The following DLGAP2 variants were observed in gnomAD, a reference collection of about 807,000 sequenced individuals.
DLGAP2 encodes DLG associated protein 2, also known as disks large-associated protein 2.
DLGAP2 carries 26 observed loss-of-function variants against 100.3 expected under a neutral mutation model. The ratio of observed to expected loss-of-function variants is 0.26; its 90% CI spans 0.19 to 0.36. DLGAP2 has a LOEUF of 0.36. Ranked by LOEUF, DLGAP2 falls within the 10% of genes least tolerant of loss-of-function variation. The pLI, the probability that DLGAP2 is intolerant of heterozygous loss-of-function variation, is 1.00. For synonymous variants in DLGAP2, 886 were observed against 630.1 expected (o/e 1.41, Z -6.08); for missense variants, 1,858 against 1,453.2 (o/e 1.28, Z -4.53).
chr8:1,409,940 T>C (rs1796682032), intron 3 of DLGAP2, among the ~76,000 whole-genome samples: 1 of 152,210 alleles, frequency 6.6e-6, no homozygotes, highest in South Asian at 2.1e-4. Context: ...TCCATAATCA[T>C]ATGATCCAGT....
chr8:1,004,706 T>G (rs1385916824), intron 2 of DLGAP2, among the ~76,000 whole-genome samples: 1 of 152,210 alleles, frequency 6.6e-6, no homozygotes, highest in Admixed American at 6.5e-5. Flanking sequence ...GTCTCCAGTA[T>G]GTGCGGCATC....
At chr8:1,333,935 G>A (rs998279024) in intron 3 of DLGAP2, among the ~76,000 whole-genome samples, 3 of 152,254 alleles carry the variant, frequency 2.0e-5, no homozygotes, top group Non-Finnish European at 4.4e-5. Flanking sequence ...GGCTGCTGAA[G>A]GCGCATATGC....
At chr8:1,669,023 T>A (rs1798620987) in intron 9 of DLGAP2, among the ~76,000 whole-genome samples, 1 of 152,164 alleles carries the variant, frequency 6.6e-6, no homozygotes, top group Admixed American at 6.5e-5. Flanking sequence ...TTTTGATGCT[T>A]TAAAGGGGAG....
chr8:1,252,436 C>G (rs1563041145), intron 2 of DLGAP2, among the ~76,000 whole-genome samples: 2 of 152,086 alleles, frequency 1.3e-5, no homozygotes, highest in Non-Finnish European at 2.9e-5. Context: ...TCATGCCACA[C>G]TTGTCACACT....
chr8:941,656 C>T (rs372841312), intron 2 of DLGAP2, among the ~76,000 whole-genome samples: 4 of 152,134 alleles, frequency 2.6e-5, no homozygotes, highest in East Asian at 1.9e-4. Flanking sequence ...CCAGCCACAG[C>T]GAAAAGCCAT....
At chr8:1,462,821 A>G in intron 3 of DLGAP2, among the ~76,000 whole-genome samples, 2 of 152,216 alleles carry the variant, frequency 1.3e-5, no homozygotes, top group East Asian at 3.9e-4. Context: ...AGGCCCCCAC[A>G]CGGCGGCGGC....
intron 2 of DLGAP2, among the ~76,000 whole-genome samples, chr8:1,255,711 G>C (rs1272876022): frequency 7.3e-6 from 1 of 137,576 alleles, no homozygotes; most frequent in Non-Finnish European, 1.5e-5. Context: ...CTGCCTGGGA[G>C]CTGTGTGTGT....
intron 2 of DLGAP2, among the ~76,000 whole-genome samples, chr8:1,165,060 C>T (rs1172216634): frequency 1.3e-5 from 2 of 152,042 alleles, no homozygotes; most frequent in Non-Finnish European, 2.9e-5. Flanking sequence ...AAAGATTCTC[C>T]TCCCTCTGGG....
At chr8:1,077,482 A>T (rs990069430) in intron 2 of DLGAP2, among the ~76,000 whole-genome samples, 1 of 152,106 alleles carries the variant, frequency 6.6e-6, no homozygotes, top group Non-Finnish European at 1.5e-5. Flanking sequence ...TGCCACTGAG[A>T]TGTTGGACTT....
rs191384001 is a variant in DLGAP2, at chr8:1,483,268, T to C, written c.107-18098T>C. Reference sequence around the variant, plus strand: ...ATGAGGAAGTGACCCAGCCCAGGCTTTAAAATGCGTCCCTCTAGACTCTGC... The same window carrying C: ...ATGAGGAAGTGACCCAGCCCAGGCTCTAAAATGCGTCCCTCTAGACTCTGC... On this transcript the variant is annotated intron_variant, in intron 3 of 14. Coordinates refer to ENST00000637795, the MANE Select transcript of DLGAP2 (RefSeq NM_001346810.2). Among the ~76,000 whole-genome samples the C allele has an allele frequency of 5.3e-5, 8 of 152,206 alleles. No individual in the cohort carries two copies. The East Asian group carries it at 1.6e-3, about 30-fold the overall frequency.
intron 1 of DLGAP2, among the ~76,000 whole-genome samples, chr8:887,475 C>G (rs990136587): frequency 3.3e-5 from 5 of 152,118 alleles, no homozygotes; most frequent in Non-Finnish European, 5.9e-5. Flanking sequence ...TGTCATTGGT[C>G]TTTATATTTT....
rs78832572 is a variant in DLGAP2, at chr8:1,298,714, G to A, written c.106+39831G>A. Among the ~76,000 whole-genome samples the A allele has an allele frequency of 7.7e-3, 1,180 of 152,324 alleles. 17 individuals are homozygous for A. The highest frequency in any genetic ancestry group is 0.027 in the African/African-American group (1,120 of 41,564). ...AGGACAAGCATGCATGCATGCCAGAGGGGAACTAGAATGTCAAAAGGGCAA... is the reference window on the plus strand; with the variant it reads ...AGGACAAGCATGCATGCATGCCAGAAGGGAACTAGAATGTCAAAAGGGCAA... On this transcript the variant is annotated intron_variant, in intron 3 of 14. Transcript: ENST00000637795.
At chr8:1,264,061 A>G (rs1799403849) in intron 3 of DLGAP2, among the ~76,000 whole-genome samples, 1 of 152,166 alleles carries the variant, frequency 6.6e-6, no homozygotes, top group African/African-American at 2.4e-5. Context: ...CTTAGTCTAG[A>G]TGGAAGACTG....
chr8:1,056,862 G>C (rs1057411653), intron 2 of DLGAP2, among the ~76,000 whole-genome samples: 1 of 152,198 alleles, frequency 6.6e-6, no homozygotes, highest in South Asian at 2.1e-4. Context: ...ATTGTACCTG[G>C]TAGGTAACTT....
chr8:1,497,887 G>T (rs1302696979), intron 3 of DLGAP2, among the ~76,000 whole-genome samples: 1 of 152,154 alleles, frequency 6.6e-6, no homozygotes, highest in African/African-American at 2.4e-5. Flanking sequence ...TTTTGAAGGG[G>T]TTTATTCTGA....
intron 1 of DLGAP2, among the ~76,000 whole-genome samples, chr8:783,186 A>C (rs1406926006): frequency 6.6e-6 from 1 of 152,182 alleles, no homozygotes; most frequent in Non-Finnish European, 1.5e-5. Flanking sequence ...ATATTAATAC[A>C]TGTGTCTTTT....
At chr8:1,339,589 C>T (rs1222487548) in intron 3 of DLGAP2, among the ~76,000 whole-genome samples, 1 of 152,142 alleles carries the variant, frequency 6.6e-6, no homozygotes, top group Non-Finnish European at 1.5e-5. Flanking sequence ...TATTTTTTTC[C>T]ATGTTTTCTG....
At chr8:1,413,396 T>G (rs1796789663) in intron 3 of DLGAP2, among the ~76,000 whole-genome samples, 3 of 152,200 alleles carry the variant, frequency 2.0e-5, no homozygotes, top group Admixed American at 2.0e-4. Context: ...AAAATATAGT[T>G]TCAATGCTCA....
At chr8:1,316,080 C>G (rs1166401355) in intron 3 of DLGAP2, among the ~76,000 whole-genome samples, 2 of 135,452 alleles carry the variant, frequency 1.5e-5, no homozygotes, top group Non-Finnish European at 3.2e-5. Flanking sequence ...CAGCGTCTCT[C>G]CCACAGTGGT....
Sources: gnomAD v4.1 joint callset for allele counts (sites outside exome capture counted in the v4.1 genomes callset) on GRCh38, gnomAD v4.1.1 for gene constraint, MANE v1.5 for transcripts, NCBI Gene and HGNC (gene_info 2026-07-23, HGNC 2026-07-21) for gene names.